RGS6: variants seen among roughly 807,000 people sequenced by gnomAD.
RGS6 encodes the protein regulator of G-protein signaling 6.
RGS6 carries 30 observed loss-of-function variants against 78.5 expected under a neutral mutation model. The observed-to-expected ratio is 0.38, with a 90% CI of 0.29 to 0.52. The LOEUF is 0.52. Ranked by LOEUF, RGS6 falls within the 20% of genes least tolerant of loss-of-function variation. The pLI, the probability that RGS6 is intolerant of heterozygous loss-of-function variation, is 0.85. For missense variants in RGS6, 495 were observed against 609.7 expected, an observed-to-expected ratio of 0.81 and a Z score of 1.98; for synonymous variants, 206 against 206.0, an observed-to-expected ratio of 1.00 and a Z score of 0.00.
At chr14:72,601,326 C>A in the RGS6 span, among the ~76,000 whole-genome samples, 1 of 152,072 alleles carries the variant, frequency 6.6e-6, no homozygotes, top group African/African-American at 2.4e-5. Flanking sequence ...TCCTTCACCA[C>A]CCCCACCCCC....
intron 1 of RGS6, among the ~76,000 whole-genome samples, chr14:71,935,016 G>A (rs371333744): frequency 1.3e-5 from 2 of 152,098 alleles, no homozygotes; most frequent in African/African-American, 2.4e-5. Context: ...GTCTTAATTG[G>A]TATTGCTCTG....
At chr14:71,945,475 G>C (rs565829976) in intron 1 of RGS6, among the ~76,000 whole-genome samples, 73 of 152,250 alleles carry the variant, frequency 4.8e-4, no homozygotes, top group African/African-American at 1.6e-3. Flanking sequence ...AGCAAGTGAG[G>C]TTTCTTCCAC....
intron 3 of RGS6, among the ~76,000 whole-genome samples, chr14:72,363,530 G>A (rs184265752): frequency 1.3e-4 from 20 of 152,304 alleles, no homozygotes; most frequent in African/African-American, 3.8e-4. Context: ...TGGGCCACCC[G>A]TGTAAGGATG....
intron 2 of RGS6, among the ~76,000 whole-genome samples, chr14:72,039,965 C>A (rs1365294697): frequency 1.3e-5 from 2 of 151,936 alleles, no homozygotes; most frequent in African/African-American, 4.8e-5. Context: ...AACTACCTAA[C>A]TTTGATCACA....
intron 12 of RGS6, among the ~76,000 whole-genome samples, chr14:72,484,305 TTTTG>T (rs755753905): frequency 1.1e-4 from 17 of 152,278 alleles, no homozygotes; most frequent in East Asian, 1.9e-4. Flanking sequence ...TTTTGTTGGA[TTTTG>T]TTTGTTTGTT....
At chr14:71,969,763 G>T (rs764659303) in intron 2 of RGS6, among the ~76,000 whole-genome samples, 1 of 152,086 alleles carries the variant, frequency 6.6e-6, no homozygotes, top group Non-Finnish European at 1.5e-5. Context: ...TAATACTTTG[G>T]CCTCATTTCC....
the RGS6 span, among the ~76,000 whole-genome samples, chr14:71,923,345 A>G: frequency 6.6e-6 from 1 of 152,214 alleles, no homozygotes; most frequent in Non-Finnish European, 1.5e-5. Context: ...GCATAGGCAA[A>G]GTATGAATGG....
intron 2 of RGS6, among the ~76,000 whole-genome samples, chr14:72,248,354 G>GT (rs894416920): frequency 6.6e-6 from 1 of 152,150 alleles, no homozygotes; most frequent in South Asian, 2.1e-4. Flanking sequence ...TTCTCATGGA[G>GT]TTTTTTGTTT....
the RGS6 span, among the ~76,000 whole-genome samples, chr14:71,919,165 C>T: frequency 8.5e-5 from 13 of 152,220 alleles, no homozygotes; most frequent in African/African-American, 2.9e-4. Flanking sequence ...AGCTTCCCCA[C>T]GGCTTCTGGT....
rs752656366 is a variant in RGS6 at position 72,550,481 on chromosome 14, C to T, written c.1422+10387C>T. 5.4e-5 allele frequency: 83 copies of T among 1,535,546 alleles called. 1 individual carries two copies. The South Asian group carries it at 7.0e-4, about 13-fold the overall frequency. On this transcript the variant is annotated intron_variant, in intron 17 of 17. Transcript: ENST00000553525. ...AAAAGACAGACTGTCAAGCAAGGAC[C>T]GAAAGCCTGGCCTTAACATCATAGC... is the stretch of plus-strand genomic sequence containing the variant.
intron 3 of RGS6, among the ~76,000 whole-genome samples, chr14:72,423,018 C>T (rs1172002510): frequency 6.6e-6 from 1 of 152,146 alleles, no homozygotes; most frequent in Non-Finnish European, 1.5e-5. Context: ...TTTTAACCCA[C>T]AAAGGAAGAA....
intron 3 of RGS6, among the ~76,000 whole-genome samples, chr14:72,443,383 C>T (rs1431510017): frequency 2.0e-5 from 3 of 152,218 alleles, no homozygotes; most frequent in Non-Finnish European, 4.4e-5. Flanking sequence ...CTGTGCAGAC[C>T]TCCTCCGTTC....
intron 3 of RGS6, 96 bp downstream of exon 3, chr14:72,352,290 T>A: frequency 1.3e-6 from 1 of 787,484 alleles, no homozygotes; most frequent in Non-Finnish European, 2.1e-6. Context: ...GATCTGTGAA[T>A]AGTAAAAATG....
At position 72,350,449 on chromosome 14, in the gene RGS6, C is replaced by G. The variant is rs191794059; in HGVS notation, c.85-1646C>G. Among the ~76,000 whole-genome samples the G allele has an allele frequency of 2.7e-4, 41 of 152,276 alleles. 1 individual carries two copies. In the East Asian group the frequency reaches 6.2e-3, roughly 23 times the overall value. On this transcript the variant is annotated intron_variant, in intron 2 of 17. Coordinates refer to ENST00000553525, the MANE Select transcript of RGS6 (RefSeq NM_001204424.2). ...ACAGATCTTCAGTTCCCCTTTCCTC[C>G]TGTCACCCAGAGGACTGAGTCCCTG...
intron 2 of RGS6, among the ~76,000 whole-genome samples, chr14:72,143,951 C>T (rs1214433951): frequency 6.6e-6 from 1 of 152,056 alleles, no homozygotes; most frequent in African/African-American, 2.4e-5. Context: ...AGTCACAGGA[C>T]TTGTAGGGAT....
intron 6 of RGS6, among the ~76,000 whole-genome samples, chr14:72,460,731 A>G (rs890427324): frequency 6.6e-6 from 1 of 152,150 alleles, no homozygotes; most frequent in Non-Finnish European, 1.5e-5. Flanking sequence ...TGAGACCTGC[A>G]GCTTCTTTGC....
intron 12 of RGS6, among the ~76,000 whole-genome samples, chr14:72,493,687 G>T (rs1302740928): frequency 2.0e-5 from 3 of 152,002 alleles, no homozygotes. Context: ...ATGATTCTAA[G>T]TTGACAGAGA....
intron 2 of RGS6, among the ~76,000 whole-genome samples, chr14:72,116,400 T>C (rs899110904): frequency 2.0e-5 from 3 of 152,012 alleles, no homozygotes; most frequent in African/African-American, 7.3e-5. Context: ...CATGACATCA[T>C]TGGCATTTTC....
intron 2 of RGS6, among the ~76,000 whole-genome samples, chr14:71,985,788 A>G (rs939305667): frequency 6.6e-6 from 1 of 152,068 alleles, no homozygotes; most frequent in African/African-American, 2.4e-5. Context: ...GATATTCAGA[A>G]ATTTTCGACT....
Sources: gnomAD v4.1 joint callset for allele counts (sites outside exome capture counted in the v4.1 genomes callset) on GRCh38, gnomAD v4.1.1 for gene constraint, MANE v1.5 for transcripts, NCBI Gene and HGNC (gene_info 2026-07-23, HGNC 2026-07-21) for gene names.